Variants in REEP1 observed in about 807,000 individuals in gnomAD.
REEP1 encodes the protein receptor accessory protein 1.
A neutral mutation model predicts 40.3 loss-of-function variants in REEP1; 22 were observed. That is an observed-to-expected ratio of 0.55 (90% CI 0.39 to 0.78). The LOEUF (loss-of-function observed/expected upper bound fraction) is 0.78. Ranked by LOEUF, REEP1 falls within the 30% of genes least tolerant of loss-of-function variation. The pLI, the probability that REEP1 is intolerant of heterozygous loss-of-function variation, is 0.00. For synonymous variants in REEP1, 116 were observed against 139.2 expected, an observed-to-expected ratio of 0.83 and a Z score of 1.17; for missense variants, 280 against 361.1, an observed-to-expected ratio of 0.78 and a Z score of 1.82.
At chr2:86,280,537 G>A (rs924079328) in intron 2 of REEP1, among the ~76,000 whole-genome samples, 3 of 152,186 alleles carry the variant, frequency 2.0e-5, no homozygotes, top group Non-Finnish European at 2.9e-5. Flanking sequence ...GATTGCAGGC[G>A]GGAAAGGGTT....
intron 2 of REEP1, among the ~76,000 whole-genome samples, chr2:86,275,300 C>G (rs1354963031): frequency 1.3e-5 from 2 of 151,656 alleles, no homozygotes; most frequent in Non-Finnish European, 2.9e-5. Flanking sequence ...GAGAAATGCC[C>G]TAAGTTAATG....
chr2:86,318,344 T>C (rs1033495460), intron 1 of REEP1, among the ~76,000 whole-genome samples: 2 of 152,058 alleles, frequency 1.3e-5, no homozygotes, highest in Non-Finnish European at 2.9e-5. Flanking sequence ...AGTACTCTCT[T>C]CTTGACATTA....
chr2:86,337,858 C>T (rs1681128254), upstream of REEP1, among the ~76,000 whole-genome samples: 1 of 152,098 alleles, frequency 6.6e-6, no homozygotes. The surrounding 1 kb of genome is among the most constrained non-coding windows in gnomAD (Gnocchi z 5.8). Context: ...AGGAACCCTG[C>T]AGCGGCCCCG....
intron 7 of REEP1, among the ~76,000 whole-genome samples, chr2:86,226,841 C>A (rs956320072): frequency 6.6e-6 from 1 of 152,040 alleles, no homozygotes; most frequent in Non-Finnish European, 1.5e-5. Flanking sequence ...GAGATTAATT[C>A]TCCTCCCCTT....
At chr2:86,321,908 C>T (rs1307462363) in intron 1 of REEP1, among the ~76,000 whole-genome samples, 2 of 152,112 alleles carry the variant, frequency 1.3e-5, no homozygotes, top group Admixed American at 1.3e-4. Context: ...AGTCATCATG[C>T]ACTGGGAATC....
chr2:86,235,440 G>T (rs1675265005), intron 5 of REEP1, among the ~76,000 whole-genome samples: 1 of 152,168 alleles, frequency 6.6e-6, no homozygotes. Flanking sequence ...TGCATATTTA[G>T]TCTTCAAAAA....
intron 8 of REEP1, among the ~76,000 whole-genome samples, 186 bp from the exon 9 acceptor site, chr2:86,217,296 A>G (rs1674166688): frequency 6.6e-6 from 1 of 152,216 alleles, no homozygotes; most frequent in African/African-American, 2.4e-5. Context: ...CACATATCGC[A>G]TGAAGCTGAG....
chr2:86,273,924 A>G (rs1677602038), intron 2 of REEP1, among the ~76,000 whole-genome samples: 1 of 152,216 alleles, frequency 6.6e-6, no homozygotes, highest in South Asian at 2.1e-4. Context: ...TTATATCTCT[A>G]GTACCCAAAA....
intron 3 of REEP1, among the ~76,000 whole-genome samples, chr2:86,257,523 G>C (rs1676628986): frequency 6.6e-6 from 1 of 151,976 alleles, no homozygotes; most frequent in African/African-American, 2.4e-5. Flanking sequence ...CCAACACACA[G>C]AAGCATTCTA....
At chr2:86,255,695 G>A (rs370513717) in intron 3 of REEP1, among the ~76,000 whole-genome samples, 28 of 152,166 alleles carry the variant, frequency 1.8e-4, no homozygotes, top group African/African-American at 6.8e-4. Context: ...GGTCCAGTCA[G>A]GGAAACAGAG....
intron 1 of REEP1, among the ~76,000 whole-genome samples, chr2:86,319,673 C>A (rs933821601): frequency 6.6e-6 from 1 of 150,858 alleles, no homozygotes; most frequent in South Asian, 2.1e-4. Flanking sequence ...CCAGCCTGGG[C>A]GACAGAGTGA....
rs1387284000 is a variant in REEP1, at chr2:86,228,782, A to G, written c.596-1384T>C. 1.3e-5 allele frequency among the ~76,000 whole-genome samples: 2 copies of G among 152,212 alleles called. 1 individual carries two copies. Among genetic ancestry groups the G allele is most frequent in the South Asian group, 4.2e-4 (2 of 4,814 alleles). On this transcript the variant is annotated intron_variant, in intron 6 of 8. Transcript: ENST00000538924. Reference sequence around the variant, plus strand: ...AACCCTTTTTATGTGCCTTTACATGACTTTTATTCCCACACCCCACTCACA... The same window carrying G: ...AACCCTTTTTATGTGCCTTTACATGGCTTTTATTCCCACACCCCACTCACA...
chr2:86,271,564 G>A (rs1381981866), intron 2 of REEP1, among the ~76,000 whole-genome samples: 1 of 152,156 alleles, frequency 6.6e-6, no homozygotes, highest in Non-Finnish European at 1.5e-5. Context: ...AAAAATGAAA[G>A]CTGTTCTGGT....
rs1474117766 is a variant in REEP1 at position 86,337,251 on chromosome 2, C to T, written c.32+228G>A. On this transcript the variant is annotated intron_variant, in intron 1 of 8. Transcript: ENST00000538924. This position sits in a 1 kb window ranked among gnomAD's most constrained non-coding sequence, Gnocchi z 5.8. ...CCCAGCCCTCGCCGTCCCGGCCCAG[C>T]CCCCCGCAAGCGGCCGCCGGCGCCG... is the stretch of plus-strand genomic sequence containing the variant. 3 of 248,994 alleles carry T rather than the reference C, an allele frequency of 1.2e-5. No homozygotes were observed. The highest frequency in any genetic ancestry group is 7.6e-6 in the Non-Finnish European group (1 of 131,844). The allele number at this position is 248,994 out of a possible 1,614,324, so 15.4% of individuals were successfully genotyped here.
intron 5 of REEP1, among the ~76,000 whole-genome samples, chr2:86,250,067 T>C (rs1260897078): frequency 1.3e-5 from 2 of 152,198 alleles, no homozygotes; most frequent in East Asian, 3.8e-4. Flanking sequence ...GGTGCCTGGA[T>C]GGAGAAGACG....
chr2:86,287,755 G>A (rs1391869712), intron 1 of REEP1, among the ~76,000 whole-genome samples: 3 of 151,992 alleles, frequency 2.0e-5, no homozygotes, highest in Admixed American at 2.0e-4. Context: ...TCCCCTATAT[G>A]TACTTTCCTG....
At chr2:86,278,986 A>G (rs1314395337) in intron 2 of REEP1, among the ~76,000 whole-genome samples, 1 of 152,218 alleles carries the variant, frequency 6.6e-6, no homozygotes, top group Admixed American at 6.5e-5. Flanking sequence ...CAATGTTTCT[A>G]AATTGGAGAT....
chr2:86,318,248 T>C (rs1347088590), intron 1 of REEP1, among the ~76,000 whole-genome samples: 1 of 152,138 alleles, frequency 6.6e-6, no homozygotes, highest in Non-Finnish European at 1.5e-5. Flanking sequence ...CCACTCAAAC[T>C]GTAAGACAGA....
intron 2 of REEP1, among the ~76,000 whole-genome samples, chr2:86,276,960 C>T (rs1191708686): frequency 3.3e-5 from 5 of 152,230 alleles, no homozygotes; most frequent in African/African-American, 1.2e-4. Flanking sequence ...GCTTCTCATC[C>T]TCAGACCTCT....
Sources: gnomAD v4.1 joint callset for allele counts (sites outside exome capture counted in the v4.1 genomes callset) on GRCh38, gnomAD v4.1.1 for gene constraint, Gnocchi (gnomAD v3.1) non-coding constraint, MANE v1.5 for transcripts, NCBI Gene and HGNC (gene_info 2026-07-23, HGNC 2026-07-21) for gene names.